SNX11: variants seen among roughly 807,000 people sequenced by gnomAD.
SNX11 encodes the protein sorting nexin-11.
Under a neutral mutation model 30.7 loss-of-function variants are expected in SNX11, and 19 were observed. The ratio of observed to expected loss-of-function variants is 0.62; its 90% CI spans 0.43 to 0.91. SNX11 has a LOEUF of 0.91. Ranked by LOEUF, SNX11 falls within the 40% of genes least tolerant of loss-of-function variation. SNX11 has a pLI of 0.00. For synonymous variants in SNX11, 112 were observed against 119.0 expected (o/e 0.94, Z 0.38); for missense variants, 302 against 326.7 (o/e 0.92, Z 0.58).
In SNX11 at chr17:48,121,844, T is replaced by G; in HGVS notation, c.*336T>G. The G allele has an allele frequency of 4.1e-6, 1 of 242,134 alleles. No individual in the cohort carries two copies. Among genetic ancestry groups the G allele is most frequent in the South Asian group, 8.8e-5 (1 of 11,366 alleles). 15.0% of individuals were successfully genotyped at this position (242,134 alleles called of 1,614,324 possible). On this transcript the variant is annotated 3_prime_UTR_variant, in exon 7 of 7. Transcript: ENST00000359238. ...TCAGGTGACCAGTTTTGGGGACCCG[T>G]ATGTGGCAAATTCTAAGCTGCCATA...
chr17:48,109,097 T>A (rs1353697253), intron 1 of SNX11, among the ~76,000 whole-genome samples: 1 of 150,774 alleles, frequency 6.6e-6, no homozygotes, highest in Non-Finnish European at 1.5e-5. Context: ...CATGCCCAGC[T>A]AATTTTTGTA....
intron 4 of SNX11, among the ~76,000 whole-genome samples, chr17:48,116,712 T>C (rs748937318): frequency 7.3e-5 from 11 of 149,742 alleles, no homozygotes; most frequent in Non-Finnish European, 1.5e-4. Flanking sequence ...GGATTACAGG[T>C]GTACACCACC....
chr17:48,123,125 C>T lies in SNX11; in HGVS notation c.*1617C>T, dbSNP rs954480463. 2 of 152,206 alleles carry T rather than the reference C, an allele frequency of 1.3e-5. No homozygotes were observed. The highest frequency in any genetic ancestry group is 4.8e-5 in the African/African-American group (2 of 41,454). 9.4% of individuals were successfully genotyped at this position (152,206 alleles called of 1,614,324 possible). A position where few individuals can be genotyped will look rare whatever the true frequency, so the allele number is the denominator to read the frequency against. On this transcript the variant is annotated 3_prime_UTR_variant, in exon 7 of 7. Coordinates refer to ENST00000359238, the MANE Select transcript of SNX11 (RefSeq NM_013323.3). ...TCCTGCCCGCCTCCCCTGGGTCTCT[C>T]CTTTATATGATGCAGCAGAGCAAGG...
chr17:48,119,217 G>A, intron 6 of SNX11, 31 bp downstream of exon 6: 1 of 1,516,146 alleles, frequency 6.6e-7, no homozygotes, highest in Non-Finnish European at 9.1e-7. Flanking sequence ...GATAGCAGGG[G>A]CTAGGTTTGC....
Position 48,123,519 on chromosome 17 carries a change from G to A in SNX11, c.*2011G>A, listed in dbSNP as rs2144544345. 6.6e-6 allele frequency among the ~76,000 whole-genome samples: 1 copy of A among 152,200 alleles called. No homozygotes were observed. On this transcript the variant is annotated 3_prime_UTR_variant, in exon 7 of 7. Coordinates refer to ENST00000359238, the MANE Select transcript of SNX11 (RefSeq NM_013323.3). The stretch of plus-strand genomic sequence containing the variant: ...GTTCTGCCAGCCGGCTAGGCTGCTG[G>A]GACAGCAGGAGCCATTCAAAGACAT...
rs909490139 is a variant in SNX11, at chr17:48,111,174, G to A, written c.-13-857G>A. 17 of 979,682 alleles carry A rather than the reference G, an allele frequency of 1.7e-5. No individual in the cohort carries two copies. The African/African-American group carries it at 2.6e-4, about 15-fold the overall frequency. The allele number at this position is 979,682 out of a possible 1,614,324, so 60.7% of individuals were successfully genotyped here. A position where few individuals can be genotyped will look rare whatever the true frequency, so the allele number is the denominator to read the frequency against. ...GGTTCCAGAGTATGGATTGGATAAG[G>A]GGAAGGTCCCAACTGGGCAACCCAC... On this transcript the variant is annotated intron_variant, in intron 1 of 6. Coordinates refer to ENST00000359238, the MANE Select transcript of SNX11 (RefSeq NM_013323.3).
intron 4 of SNX11, among the ~76,000 whole-genome samples, chr17:48,113,763 G>T (rs535706437): frequency 6.6e-6 from 1 of 152,036 alleles, no homozygotes; most frequent in East Asian, 1.9e-4. Context: ...TACTAGGGTG[G>T]TCTTGAACTC....
At chr17:48,112,392 G>A (rs1258517603) in intron 2 of SNX11, 182 bp from the exon 3 acceptor site, 1 of 663,900 alleles carries the variant, frequency 1.5e-6, no homozygotes, top group Non-Finnish European at 2.7e-6. Flanking sequence ...GACACGTAGT[G>A]GGGCTCAGTA....
chr17:48,116,195 T>C (rs1271643887), intron 4 of SNX11, among the ~76,000 whole-genome samples: 1 of 151,926 alleles, frequency 6.6e-6, no homozygotes, highest in African/African-American at 2.4e-5. Flanking sequence ...GAGGCAGAGG[T>C]TGCAGTGAGC....
At chr17:48,115,042 G>T (rs181246861) in intron 4 of SNX11, among the ~76,000 whole-genome samples, 177 of 148,760 alleles carry the variant, frequency 1.2e-3, no homozygotes, top group African/African-American at 4.0e-3. Flanking sequence ...ACAGACGTGA[G>T]CCACCATGCT....
At position 48,121,538 on chromosome 17, in the gene SNX11, G is replaced by A. The variant is rs759667885; in HGVS notation, c.*30G>A. 13 of 1,607,048 alleles carry A rather than the reference G, an allele frequency of 8.1e-6. No individual in the cohort carries two copies. Among genetic ancestry groups the A allele is most frequent in the Admixed American group, 1.7e-5 (1 of 59,686 alleles). On this transcript the variant is annotated 3_prime_UTR_variant, in exon 7 of 7. Coordinates refer to ENST00000359238, the MANE Select transcript of SNX11 (RefSeq NM_013323.3). ...TGGGTTCTGCTCTGAGATGGTCAGA[G>A]AAGATGCGGGCCAGGAGACTTACTC...
At chr17:48,118,929 T>A (rs765452087) in intron 5 of SNX11, 45 bp from the exon 6 acceptor site, 10 of 1,591,100 alleles carry the variant, frequency 6.3e-6, no homozygotes, top group African/African-American at 1.3e-5. Flanking sequence ...GGAGAGCAGT[T>A]CCTCAGGGTG....
intron 6 of SNX11, 69 bp from the exon 7 acceptor site, chr17:48,121,166 A>G: frequency 2.0e-6 from 3 of 1,505,740 alleles, no homozygotes; most frequent in Non-Finnish European, 2.7e-6. Context: ...ATTTTTTTGT[A>G]GAGACGGAGT....
rs2063605164 is a variant in SNX11 at position 48,121,764 on chromosome 17, C to G, written c.*256C>G. 2.2e-6 allele frequency: 1 copy of G among 447,108 alleles called. No homozygotes were observed. Among genetic ancestry groups the G allele is most frequent in the African/African-American group, 2.0e-5 (1 of 50,974 alleles). The allele number at this position is 447,108 out of a possible 1,614,324, so 27.7% of individuals were successfully genotyped here. A position where few individuals can be genotyped will look rare whatever the true frequency, so the allele number is the denominator to read the frequency against. ...CTTTTGAACAGAACCCTATATTACT[C>G]TCCTGGGATCTGAGTTTCTGCAGGT... On this transcript the variant is annotated 3_prime_UTR_variant, in exon 7 of 7. Coordinates refer to ENST00000359238, the MANE Select transcript of SNX11 (RefSeq NM_013323.3).
At position 48,119,010 on chromosome 17, in the gene SNX11, G is replaced by A. The variant is rs1275291221; in HGVS notation, c.363G>A (p.Gln121=). The A allele has an allele frequency of 6.2e-7, 1 of 1,614,102 alleles. No individual in the cohort carries two copies. The highest frequency in any genetic ancestry group is 1.7e-5 in the Admixed American group (1 of 60,008). The change falls in exon 6 of 7, where the codon CAG becomes CAA. Residue 121 remains glutamine (Q), a synonymous_variant. Transcript: ENST00000359238. The part of the protein sequence containing the change: ...LQSVVLLSDS[Q]LHLFLQSQLS... ...GTGTGGTTCTCCTGTCAGACAGCCA[G>A]TTGCACCTATTCCTGCAAAGCCAGC...
Position 48,118,733 on chromosome 17 carries a change from C to T in SNX11, c.260C>T (p.Thr87Ile). The T allele has an allele frequency of 6.2e-7, 1 of 1,614,050 alleles. No homozygotes were observed. Among genetic ancestry groups the T allele is most frequent in the Non-Finnish European group, 8.5e-7 (1 of 1,179,958 alleles). Residue 87 changes from threonine (T) to isoleucine (I), a missense_variant, in exon 5 of 7, where the codon ACC becomes ATC. Transcript: ENST00000359238. ...VPVPELPGKS[T>I]FFGTSDEFIE... Reference sequence around the variant, plus strand: ...GTTCCTGAACTTCCTGGGAAGTCAACCTTCTTCGGCACCTCAGATGAGTTC... The same window carrying T: ...GTTCCTGAACTTCCTGGGAAGTCAATCTTCTTCGGCACCTCAGATGAGTTC...
rs1426003436 is a variant in SNX11 at position 48,121,834 on chromosome 17, TG to T, written c.*330del. The T allele has an allele frequency of 3.9e-6, 1 of 259,406 alleles. No individual in the cohort carries two copies. 16.1% of individuals were successfully genotyped at this position (259,406 alleles called of 1,614,324 possible). On this transcript the variant is annotated 3_prime_UTR_variant, in exon 7 of 7. Coordinates refer to ENST00000359238, the MANE Select transcript of SNX11 (RefSeq NM_013323.3). Reference sequence around the variant, plus strand: ...GAGTATCTCCTCAGGTGACCAGTTTTGGGGACCCGTATGTGGCAAATTCTAA... The same window carrying T: ...GAGTATCTCCTCAGGTGACCAGTTTTGGGACCCGTATGTGGCAAATTCTAA...
chr17:48,119,131 GCC>G lies in SNX11; in HGVS notation c.486_487del (p.Gln163GlyfsTer11). ...ATATGCTATGTCAAACTGTGGCTGG[GCC>G]CAGGAAGAGAGGCAGAGCTCTTCTC... Reference protein sequence around the residue: ...LRYAMSNCGWAQEERQSSSHL... With the variant: ...LRYAMSNCGWXQEERQSSSHL... On this transcript the variant is annotated frameshift_variant, in exon 6 of 7. Transcript: ENST00000359238. LOFTEE classifies it high-confidence loss of function. The G allele has an allele frequency of 6.2e-7, 1 of 1,614,136 alleles. No homozygotes were observed.
Position 48,121,244 on chromosome 17 carries a change from T to A in SNX11, c.549T>A (p.Phe183Leu). 1 of 1,614,062 alleles carries A rather than the reference T, an allele frequency of 6.2e-7. No homozygotes were observed. The highest frequency in any genetic ancestry group is 1.3e-5 in the African/African-American group (1 of 75,050). The stretch of plus-strand genomic sequence containing the variant: ...TCCCACTCTTTTCCAGTTGCTGCTT[T>A]CTTCCAAGATCGGGTAGGAGGAGCT... ...AKGDQPKSCC[F>L]LPRSGRRSSP... Residue 183 changes from phenylalanine (F) to leucine (L), a missense_variant, in exon 7 of 7, where the codon TTT (phenylalanine) becomes TTA (leucine). Phe to Leu is a conservative substitution (Grantham distance 22, BLOSUM62 0). Coordinates refer to ENST00000359238, the MANE Select transcript of SNX11 (RefSeq NM_013323.3).
Sources: allele counts gnomAD v4.1 joint callset (sites outside exome capture counted in the v4.1 genomes callset), GRCh38; gene constraint gnomAD v4.1.1; transcripts MANE v1.5; gene names NCBI Gene and HGNC (gene_info 2026-07-23, HGNC 2026-07-21).